SH3PXD2A: variants seen among roughly 807,000 people sequenced by gnomAD.
The protein encoded by SH3PXD2A is SH3 and PX domains 2A, also known as SH3 and PX domain-containing protein 2A.
Under a neutral mutation model 115.2 loss-of-function variants are expected in SH3PXD2A, and 32 were observed. The observed-to-expected ratio is 0.28, with a 90% confidence interval of 0.21 to 0.37. SH3PXD2A has a LOEUF of 0.37. SH3PXD2A is among the 10% of genes least tolerant of loss of function. The pLI is 1.00. For missense variants in SH3PXD2A, 1,328 were observed against 1,498.7 expected, an observed-to-expected ratio of 0.89 and a Z score of 1.88; for synonymous variants, 610 against 629.1, an observed-to-expected ratio of 0.97 and a Z score of 0.45.
chr10:103,778,215 C>T (rs1021588390), intron 2 of SH3PXD2A, among the ~76,000 whole-genome samples: 5 of 152,106 alleles, frequency 3.3e-5, no homozygotes, highest in African/African-American at 1.2e-4. Flanking sequence ...TGCCTGTAGT[C>T]CCAGCTACTC....
chr10:103,757,752 C>T (rs1172200778), intron 3 of SH3PXD2A, among the ~76,000 whole-genome samples: 1 of 152,154 alleles, frequency 6.6e-6, no homozygotes. Context: ...TGATCAGAGG[C>T]CGGATCCCCA....
intron 2 of SH3PXD2A, among the ~76,000 whole-genome samples, chr10:103,767,691 CCCCTGCTGCCGGAAGACCATT>C (rs1399694296): frequency 6.7e-6 from 1 of 149,074 alleles, no homozygotes; most frequent in Non-Finnish European, 1.5e-5. Flanking sequence ...CATCCCATTG[CCCCTGCTGCCGGAAGACCATT>C]CCTCCACTTC....
chr10:103,736,556 TC>T (rs1297612428), intron 3 of SH3PXD2A, among the ~76,000 whole-genome samples: 2 of 152,274 alleles, frequency 1.3e-5, no homozygotes, highest in Admixed American at 6.5e-5. Context: ...ATGTTCAAGG[TC>T]TTACACAACT....
At chr10:103,663,697 T>G (rs564584244) in intron 7 of SH3PXD2A, among the ~76,000 whole-genome samples, 1 of 152,300 alleles carries the variant, frequency 6.6e-6, no homozygotes, top group East Asian at 1.9e-4. Context: ...GGTCCTTCTG[T>G]AGGGGGAGGC....
At chr10:103,744,901 T>G (rs2038483948) in intron 3 of SH3PXD2A, among the ~76,000 whole-genome samples, 1 of 152,244 alleles carries the variant, frequency 6.6e-6, no homozygotes, top group Admixed American at 6.5e-5. Flanking sequence ...GTCTGCCAGC[T>G]TTTAATTATT....
chr10:103,671,292 G>A (rs2037455274), intron 6 of SH3PXD2A, among the ~76,000 whole-genome samples: 1 of 152,130 alleles, frequency 6.6e-6, no homozygotes, highest in Admixed American at 6.6e-5. Context: ...GCAGCCACAG[G>A]CAATACATAA....
intron 1 of SH3PXD2A, among the ~76,000 whole-genome samples, chr10:103,845,406 A>C (rs192131098): frequency 1.6e-3 from 236 of 152,232 alleles, no homozygotes; most frequent in Middle Eastern, 6.8e-3. Flanking sequence ...AGACGGCTAA[A>C]ACCCACCAAA....
chr10:103,855,431 G>C lies in SH3PXD2A; in HGVS notation c.-165C>G. 2.8e-6 allele frequency: 1 copy of C among 354,890 alleles called. No homozygotes were observed. Among genetic ancestry groups the C allele is most frequent in the Non-Finnish European group, 4.9e-6 (1 of 204,424 alleles). The allele number at this position is 354,890 out of a possible 1,614,324, so 22.0% of individuals were successfully genotyped here. On this transcript the variant is annotated 5_prime_UTR_variant, in exon 1 of 15. Coordinates refer to ENST00000369774, the MANE Select transcript of SH3PXD2A (RefSeq NM_001394015.1). ...GCGCCCACAGGTCCGGCCCAGGGAC[G>C]GGGGAGGGTCCCGGAGGGCGCGCGG...
At chr10:103,770,467 C>T (rs544026649) in intron 2 of SH3PXD2A, among the ~76,000 whole-genome samples, 1 of 152,372 alleles carries the variant, frequency 6.6e-6, no homozygotes, top group South Asian at 2.1e-4. Flanking sequence ...TCCCAAAGCA[C>T]TGACATTACA....
chr10:103,646,683 G>T (rs1321385821), intron 8 of SH3PXD2A, among the ~76,000 whole-genome samples: 2 of 152,208 alleles, frequency 1.3e-5, no homozygotes, highest in Non-Finnish European at 1.5e-5. Context: ...CATAAAGATG[G>T]AGATCAAGTC....
intron 2 of SH3PXD2A, among the ~76,000 whole-genome samples, chr10:103,767,820 T>G (rs113407834): frequency 5.5e-4 from 69 of 124,958 alleles, no homozygotes; most frequent in Admixed American, 8.1e-4. Flanking sequence ...GTTTTTTTTT[T>G]TTTTTTTTTT....
intron 8 of SH3PXD2A, among the ~76,000 whole-genome samples, chr10:103,636,473 C>G (rs968186738): frequency 1.3e-5 from 2 of 150,778 alleles, no homozygotes; most frequent in Non-Finnish European, 2.9e-5. Context: ...CACAGAGAGA[C>G]AGAGGGAAAT....
Position 103,666,645 on chromosome 10 carries a change from C to G in SH3PXD2A, c.472+1963G>C, listed in dbSNP as rs575525032. Among the ~76,000 whole-genome samples the G allele has an allele frequency of 6.6e-6, 1 of 152,352 alleles. No homozygotes were observed. Among genetic ancestry groups the G allele is most frequent in the African/African-American group, 2.4e-5 (1 of 41,574 alleles). ...ACTAGCTCTGAGATCCTGGGGAGGA[C>G]ACGTAACCTCTCTTGAGCTTTAGTG... On this transcript the variant is annotated intron_variant, in intron 7 of 14. Coordinates refer to ENST00000369774, the MANE Select transcript of SH3PXD2A (RefSeq NM_001394015.1). The surrounding 1 kb of genome is among the most constrained non-coding windows in gnomAD (Gnocchi z 4.5).
chr10:103,737,749 G>T (rs1463738822), intron 3 of SH3PXD2A, among the ~76,000 whole-genome samples: 2 of 152,186 alleles, frequency 1.3e-5, no homozygotes, highest in Non-Finnish European at 2.9e-5. Context: ...GAGGTAGAAG[G>T]CCCTAGTGGC....
intron 6 of SH3PXD2A, among the ~76,000 whole-genome samples, chr10:103,675,800 T>C (rs2037524277): frequency 6.6e-6 from 1 of 152,178 alleles, no homozygotes; most frequent in Non-Finnish European, 1.5e-5. Context: ...CTTAGCACTT[T>C]GGGAGGCTGA....
At chr10:103,662,284 T>C (rs898577442) in intron 7 of SH3PXD2A, among the ~76,000 whole-genome samples, 1 of 124,988 alleles carries the variant, frequency 8.0e-6, no homozygotes, top group Non-Finnish European at 1.6e-5. Flanking sequence ...CCTAGCTGAG[T>C]GGCACTGGAT....
chr10:103,736,877 G>T, intron 3 of SH3PXD2A: 1 of 836,296 alleles, frequency 1.2e-6, no homozygotes, highest in Non-Finnish European at 1.7e-6. Flanking sequence ...AGTCAGTCTA[G>T]CCACACCCCC....
At chr10:103,804,314 C>CTTTTT (rs58737094) in intron 1 of SH3PXD2A, among the ~76,000 whole-genome samples, 49 of 59,686 alleles carry the variant, frequency 8.2e-4, no homozygotes, top group African/African-American at 9.1e-4. Flanking sequence ...TTGACATCAT[C>CTTTTT]TTTTTTTTTT....
At chr10:103,796,481 G>A (rs2039090019) in intron 2 of SH3PXD2A, among the ~76,000 whole-genome samples, 2 of 151,132 alleles carry the variant, frequency 1.3e-5, no homozygotes, top group African/African-American at 4.9e-5. Context: ...CTCATAGCAT[G>A]TTGCTTGTAC....
Sources: gnomAD v4.1 joint callset for allele counts (sites outside exome capture counted in the v4.1 genomes callset) on GRCh38, gnomAD v4.1.1 for gene constraint, Gnocchi (gnomAD v3.1) non-coding constraint, MANE v1.5 for transcripts, NCBI Gene and HGNC (gene_info 2026-07-23, HGNC 2026-07-21) for gene names.